The following SORCS3 variants were observed in gnomAD, a reference collection of about 807,000 sequenced individuals.
SORCS3 encodes VPS10 domain-containing receptor SorCS3.
SORCS3 carries 57 observed loss-of-function variants against 146.3 expected under a neutral mutation model. The ratio of observed to expected loss-of-function variants is 0.39; its 90% CI spans 0.31 to 0.49. The LOEUF (loss-of-function observed/expected upper bound fraction) is 0.49, where lower values mean the gene tolerates loss of function less well. Ranked by LOEUF, SORCS3 falls within the 20% of genes least tolerant of loss-of-function variation. SORCS3 has a pLI of 0.92. For missense variants in SORCS3, 1,341 were observed against 1,575.5 expected (o/e 0.85, Z 2.52); for synonymous variants, 653 against 618.5 (o/e 1.06, Z -0.83).
intron 5 of SORCS3, among the ~76,000 whole-genome samples, chr10:105,067,497 T>A (rs139724960): frequency 6.6e-6 from 1 of 152,308 alleles, no homozygotes; most frequent in African/African-American, 2.4e-5. Flanking sequence ...ACTGCACTCC[T>A]GCCTGGGCGA....
chr10:105,193,243 G>A lies in SORCS3; in HGVS notation c.2010-6756G>A, dbSNP rs537801807. ...CAGGGTGACAAGGGACAGAGCATTT[G>A]CTGCAATTACTTGCCTGAGATTGTT... is the stretch of plus-strand genomic sequence containing the variant. On this transcript the variant is annotated intron_variant, in intron 14 of 26. Transcript: ENST00000369701. 2.6e-5 allele frequency among the ~76,000 whole-genome samples: 4 copies of A among 152,268 alleles called. No homozygotes were observed. The South Asian group carries it at 6.2e-4, about 24-fold the overall frequency.
intron 3 of SORCS3, among the ~76,000 whole-genome samples, chr10:104,966,667 A>G (rs2054828032): frequency 6.6e-6 from 1 of 152,190 alleles, no homozygotes; most frequent in Non-Finnish European, 1.5e-5. Context: ...TAGAATAGGC[A>G]ACTGAATAAA....
At chr10:105,207,696 C>T (rs1216938948) in intron 16 of SORCS3, among the ~76,000 whole-genome samples, 6 of 152,168 alleles carry the variant, frequency 3.9e-5, no homozygotes, top group African/African-American at 1.4e-4. Context: ...AAGAAGTCCA[C>T]AGCTTGGAGG....
chr10:104,676,743 A>G (rs140852635), intron 1 of SORCS3, among the ~76,000 whole-genome samples: 5 of 152,330 alleles, frequency 3.3e-5, no homozygotes, highest in African/African-American at 4.8e-5. Context: ...CTGTAAGCCT[A>G]GGGCATTGTG....
At chr10:105,024,241 T>C (rs951331751) in intron 4 of SORCS3, among the ~76,000 whole-genome samples, 4 of 152,312 alleles carry the variant, frequency 2.6e-5, no homozygotes, top group African/African-American at 9.6e-5. Context: ...GTAAATTCCA[T>C]GGACCCTACT....
chr10:104,995,176 T>G (rs1168354964), intron 4 of SORCS3, among the ~76,000 whole-genome samples: 26 of 151,040 alleles, frequency 1.7e-4, no homozygotes, highest in Non-Finnish European at 3.4e-4. Context: ...TTTTTTTTTT[T>G]TGGGATGGAG....
At chr10:105,217,244 A>C in intron 19 of SORCS3, 122 bp downstream of exon 19, 3 of 873,774 alleles carry the variant, frequency 3.4e-6, no homozygotes, top group Non-Finnish European at 5.4e-6. Flanking sequence ...TACCCAAACC[A>C]AATGGTGGAG....
rs559030441 is a variant in SORCS3, at chr10:105,237,340, C to G, written c.2869-8202C>G. Among the ~76,000 whole-genome samples the G allele has an allele frequency of 9.2e-5, 14 of 152,186 alleles. 1 individual carries two copies. Among genetic ancestry groups the G allele is most frequent in the Middle Eastern group, 3.4e-3 (1 of 294 alleles). On this transcript the variant is annotated intron_variant, in intron 20 of 26. Transcript: ENST00000369701. ...GAGTAATAACAGTAGTATCTATGATCAAGTATTGCTGCAAGGATTAAGTAA... is the reference window on the plus strand; with the variant it reads ...GAGTAATAACAGTAGTATCTATGATGAAGTATTGCTGCAAGGATTAAGTAA...
At chr10:104,794,948 A>AC (rs146087552) in intron 1 of SORCS3, among the ~76,000 whole-genome samples, 6,700 of 152,174 alleles carry the variant, frequency 0.044, 464 homozygotes, top group African/African-American at 0.15. Flanking sequence ...ATGAGTAAGA[A>AC]CCAGCACAAT....
At chr10:105,089,963 A>T in intron 6 of SORCS3, 124 bp downstream of exon 6, 1 of 722,024 alleles carries the variant, frequency 1.4e-6, no homozygotes, top group Non-Finnish European at 2.4e-6. Flanking sequence ...AGCCACATCC[A>T]TCCTTAATTC....
At position 104,963,017 on chromosome 10, in the gene SORCS3, A is replaced by T. The variant is rs563779313; in HGVS notation, c.796-14318A>T. Among the ~76,000 whole-genome samples the T allele has an allele frequency of 3.3e-5, 5 of 152,318 alleles. No individual in the cohort carries two copies. The South Asian group carries it at 6.2e-4, about 19-fold the overall frequency. ...CATAAAAGTATTTGAATTCATTTTAATGGCTGCATAATATTCCATTGAATG... is the reference window on the plus strand; with the variant it reads ...CATAAAAGTATTTGAATTCATTTTATTGGCTGCATAATATTCCATTGAATG... On this transcript the variant is annotated intron_variant, in intron 3 of 26. Coordinates refer to ENST00000369701, the MANE Select transcript of SORCS3 (RefSeq NM_014978.3).
At chr10:104,917,855 C>T (rs1018815053) in intron 3 of SORCS3, among the ~76,000 whole-genome samples, 7 of 152,136 alleles carry the variant, frequency 4.6e-5, no homozygotes, top group African/African-American at 1.7e-4. Context: ...ATTGTGTCTA[C>T]GTACCACATT....
At chr10:105,199,899 G>A (rs1564782933) in intron 14 of SORCS3, 100 bp from the exon 15 acceptor site, 2 of 822,712 alleles carry the variant, frequency 2.4e-6, no homozygotes, top group Non-Finnish European at 2.0e-6. Context: ...TAAAGTCCAG[G>A]CTGCAGTGAA....
intron 23 of SORCS3, among the ~76,000 whole-genome samples, chr10:105,254,170 G>A (rs1309300431): frequency 1.3e-5 from 2 of 152,202 alleles, no homozygotes; most frequent in Admixed American, 6.5e-5. Context: ...CTGCTTTGAT[G>A]TTTGCTTCCC....
At chr10:104,997,846 G>A (rs2055036671) in intron 4 of SORCS3, among the ~76,000 whole-genome samples, 1 of 152,142 alleles carries the variant, frequency 6.6e-6, no homozygotes, top group Non-Finnish European at 1.5e-5. Flanking sequence ...TGGATATAAT[G>A]ATGAATCAAT....
intron 5 of SORCS3, among the ~76,000 whole-genome samples, chr10:105,085,653 C>G (rs1197419417): frequency 6.6e-6 from 1 of 152,190 alleles, no homozygotes; most frequent in African/African-American, 2.4e-5. Flanking sequence ...CCTTCACAAA[C>G]AAAGGCACCC....
At chr10:104,964,938 A>G (rs4918144) in intron 3 of SORCS3, among the ~76,000 whole-genome samples, 152,123 of 152,308 alleles carry the variant, frequency 1, 75,970 homozygotes, top group Middle Eastern at 1. Context: ...GACTACCTTA[A>G]GTACCCCATA....
At chr10:105,114,403 C>T (rs1286627127) in intron 7 of SORCS3, among the ~76,000 whole-genome samples, 3 of 152,316 alleles carry the variant, frequency 2.0e-5, no homozygotes, top group South Asian at 4.1e-4. Flanking sequence ...CCAGGTCTTT[C>T]TCCACATCCC....
At chr10:105,220,543 T>C (rs1170175806) in intron 19 of SORCS3, among the ~76,000 whole-genome samples, 3 of 152,122 alleles carry the variant, frequency 2.0e-5, no homozygotes, top group Admixed American at 2.0e-4. Context: ...ATGAGGTGTG[T>C]TGGGGAATGG....
Sources: allele counts gnomAD v4.1 joint callset (sites outside exome capture counted in the v4.1 genomes callset), GRCh38; gene constraint gnomAD v4.1.1; transcripts MANE v1.5; gene names NCBI Gene and HGNC (gene_info 2026-07-23, HGNC 2026-07-21).